The following GRIA4 variants were observed in gnomAD, a reference collection of about 807,000 sequenced individuals.
GRIA4 encodes glutamate ionotropic receptor AMPA type subunit 4.
GRIA4 carries 34 observed loss-of-function variants against 104.0 expected under a neutral mutation model. The ratio of observed to expected loss-of-function variants is 0.33; its 90% CI spans 0.25 to 0.44. GRIA4 has a LOEUF of 0.44. Ranked by LOEUF, GRIA4 falls within the 20% of genes least tolerant of loss-of-function variation. The pLI is 1.00. For missense variants in GRIA4, 750 were observed against 1,096.5 expected (o/e 0.68, Z 4.46); for synonymous variants, 386 against 381.9 (o/e 1.01, Z -0.13).
rs1192047285 is a variant in GRIA4, at chr11:105,794,342, G to C, written c.487+41122G>C. On this transcript the variant is annotated intron_variant, in intron 4 of 16. Coordinates refer to ENST00000282499, the MANE Select transcript of GRIA4 (RefSeq NM_000829.4). Reference sequence around the variant, plus strand: ...ATGGAGTGAAAACCCTGTGATACAGGGTTTTTGGCTTGTTATTCACAGCTC... The same window carrying C: ...ATGGAGTGAAAACCCTGTGATACAGCGTTTTTGGCTTGTTATTCACAGCTC... 2.7e-5 allele frequency among the ~76,000 whole-genome samples: 4 copies of C among 149,306 alleles called. No homozygotes were observed. The South Asian group carries it at 8.6e-4, about 32-fold the overall frequency.
At chr11:105,899,747 C>T (rs550197516) in intron 7 of GRIA4, among the ~76,000 whole-genome samples, 1 of 152,110 alleles carries the variant, frequency 6.6e-6, no homozygotes, top group South Asian at 2.1e-4. Context: ...AGTATATAAC[C>T]TTGTTTTATG....
intron 14 of GRIA4, among the ~76,000 whole-genome samples, chr11:105,950,107 A>G (rs775614180): frequency 7.2e-5 from 11 of 152,214 alleles, no homozygotes; most frequent in Non-Finnish European, 1.3e-4. Flanking sequence ...AAAAGTTAGA[A>G]TAATATCTTG....
intron 4 of GRIA4, among the ~76,000 whole-genome samples, chr11:105,840,762 G>A (rs138412101): frequency 6.6e-6 from 1 of 152,100 alleles, no homozygotes; most frequent in African/African-American, 2.4e-5. Flanking sequence ...GTGAAAAATT[G>A]TGCATTTCTT....
chr11:105,948,720 C>T (rs889804901), intron 14 of GRIA4, among the ~76,000 whole-genome samples: 12 of 151,258 alleles, frequency 7.9e-5, no homozygotes. Flanking sequence ...ACTCTCCTGC[C>T]TCAGCCTCCT....
At chr11:105,760,147 G>T (rs1215911713) in intron 4 of GRIA4, among the ~76,000 whole-genome samples, 1 of 151,982 alleles carries the variant, frequency 6.6e-6, no homozygotes, top group Non-Finnish European at 1.5e-5. Flanking sequence ...TGCTTCTTTT[G>T]GTTCATTGCT....
chr11:105,933,252 T>TA (rs895353047), intron 13 of GRIA4, among the ~76,000 whole-genome samples: 48 of 149,886 alleles, frequency 3.2e-4, no homozygotes, highest in East Asian at 2.3e-3. Flanking sequence ...CAAAAAACTC[T>TA]AAAAAAAAAT....
In GRIA4 at chr11:105,844,817, AAC is replaced by A. The variant is rs532674088; in HGVS notation, c.488-17202_488-17201del. Among the ~76,000 whole-genome samples the A allele has an allele frequency of 9.9e-5, 15 of 152,256 alleles. 2 individuals carry two copies. In the South Asian group the frequency reaches 3.1e-3, roughly 32 times the overall value. On this transcript the variant is annotated intron_variant, in intron 4 of 16. Coordinates refer to ENST00000282499, the MANE Select transcript of GRIA4 (RefSeq NM_000829.4). ...CTGCTACTACTATTGCACACACACAAACACACTTACTATTCTGTGCATCTATA... is the reference window on the plus strand; with the variant it reads ...CTGCTACTACTATTGCACACACACAAACACTTACTATTCTGTGCATCTATA...
intron 14 of GRIA4, among the ~76,000 whole-genome samples, chr11:105,947,352 A>C (rs1948341198): frequency 6.6e-6 from 1 of 152,246 alleles, no homozygotes; most frequent in Non-Finnish European, 1.5e-5. Flanking sequence ...CGGACTCTCC[A>C]CTGAAGCAGT....
At chr11:105,909,003 A>G (rs931411457) in intron 9 of GRIA4, among the ~76,000 whole-genome samples, 4 of 152,190 alleles carry the variant, frequency 2.6e-5, no homozygotes, top group African/African-American at 9.6e-5. Flanking sequence ...CTTGTTTTAA[A>G]TTAAAAATTT....
intron 3 of GRIA4, among the ~76,000 whole-genome samples, chr11:105,654,125 T>C (rs201717538): frequency 6.6e-6 from 1 of 151,400 alleles, no homozygotes; most frequent in Non-Finnish European, 1.5e-5. Flanking sequence ...AGAAAGTCTG[T>C]GAAATCTGAG....
At chr11:105,947,980 C>T (rs1948358400) in intron 14 of GRIA4, among the ~76,000 whole-genome samples, 1 of 152,150 alleles carries the variant, frequency 6.6e-6, no homozygotes, top group South Asian at 2.1e-4. Context: ...TCTTAGGCTT[C>T]AACTATTTTC....
chr11:105,783,259 A>G (rs1591249505), intron 4 of GRIA4, among the ~76,000 whole-genome samples: 1 of 152,346 alleles, frequency 6.6e-6, no homozygotes, highest in South Asian at 2.1e-4. Context: ...GCAGTAAACT[A>G]AAGACATTTT....
chr11:105,689,291 G>T (rs977350245), intron 3 of GRIA4, among the ~76,000 whole-genome samples: 2 of 152,110 alleles, frequency 1.3e-5, no homozygotes, highest in East Asian at 3.9e-4. Context: ...TCACTTAAGA[G>T]ATAATGAAAA....
chr11:105,800,570 A>T (rs534378481), intron 4 of GRIA4, among the ~76,000 whole-genome samples: 212 of 152,184 alleles, frequency 1.4e-3, no homozygotes, highest in African/African-American at 4.7e-3. Flanking sequence ...ATATAGACTA[A>T]ATATTAAGAA....
chr11:105,683,454 G>T (rs910394777), intron 3 of GRIA4, among the ~76,000 whole-genome samples: 4 of 151,872 alleles, frequency 2.6e-5, no homozygotes, highest in African/African-American at 9.7e-5. Context: ...CTTAACCAAG[G>T]CTCCTGAAGA....
At position 105,617,791 on chromosome 11, in the gene GRIA4, T is replaced by C. The variant is rs116979613; in HGVS notation, c.247+5357T>C. On this transcript the variant is annotated intron_variant, in intron 3 of 16. Coordinates refer to ENST00000282499, the MANE Select transcript of GRIA4 (RefSeq NM_000829.4). ...TAGCAGCTGGCAACACAAAAACTTA[T>C]AAGAGTAGTTGCTGACCTTAAGGAG... 2.2e-4 allele frequency among the ~76,000 whole-genome samples: 34 copies of C among 152,138 alleles called. No homozygotes were observed. The East Asian group carries it at 5.0e-3, about 22-fold the overall frequency.
chr11:105,855,793 T>C (rs1031235529), intron 4 of GRIA4, among the ~76,000 whole-genome samples: 7 of 152,144 alleles, frequency 4.6e-5, no homozygotes, highest in African/African-American at 1.7e-4. Flanking sequence ...CTAGAATCAT[T>C]GATGTCTATA....
At chr11:105,890,116 T>C (rs935717717) in intron 6 of GRIA4, among the ~76,000 whole-genome samples, 1 of 152,180 alleles carries the variant, frequency 6.6e-6, no homozygotes, top group Non-Finnish European at 1.5e-5. Flanking sequence ...CCAACTCATA[T>C]TTACCAAAAA....
At chr11:105,957,931 G>A (rs1423017274) in intron 14 of GRIA4, among the ~76,000 whole-genome samples, 1 of 152,032 alleles carries the variant, frequency 6.6e-6, no homozygotes, top group African/African-American at 2.4e-5. Context: ...TTGGTGTATA[G>A]GAATGCTTGT....
Sources: allele counts gnomAD v4.1 joint callset (sites outside exome capture counted in the v4.1 genomes callset), GRCh38; gene constraint gnomAD v4.1.1; transcripts MANE v1.5; gene names NCBI Gene and HGNC (gene_info 2026-07-23, HGNC 2026-07-21).